The following TENM3 variants were observed in gnomAD, a reference collection of about 807,000 sequenced individuals.
TENM3 encodes teneurin transmembrane protein 3.
Under a neutral mutation model 255.1 loss-of-function variants are expected in TENM3, and 63 were observed. That is an observed-to-expected ratio of 0.25 (90% CI 0.20 to 0.30). TENM3 has a LOEUF of 0.30. TENM3 is among the 10% of genes least tolerant of loss of function. The pLI, the probability that TENM3 is intolerant of heterozygous loss-of-function variation, is 1.00. For missense variants in TENM3, 2,929 were observed against 3,461.1 expected, an observed-to-expected ratio of 0.85 and a Z score of 3.86; for synonymous variants, 1,306 against 1,322.3, an observed-to-expected ratio of 0.99 and a Z score of 0.27.
the TENM3 span, among the ~76,000 whole-genome samples, chr4:181,507,843 T>TCGCCTCTCTCTTTTTTTCTG: frequency 1.3e-5 from 2 of 150,086 alleles, no homozygotes; most frequent in African/African-American, 4.9e-5. Context: ...GCGGTTTTCT[T>TCGCCTCTCTCTTTTTTTCTG]CGCCTCTCTC....
intron 1 of TENM3, among the ~76,000 whole-genome samples, chr4:182,160,318 T>A (rs529989128): frequency 4.6e-5 from 7 of 152,236 alleles, no homozygotes; most frequent in Non-Finnish European, 1.0e-4. Flanking sequence ...GTTCTTTTTT[T>A]AAAAAAATGA....
the TENM3 span, among the ~76,000 whole-genome samples, chr4:181,870,003 T>C: frequency 1.2e-3 from 185 of 152,240 alleles, no homozygotes; most frequent in African/African-American, 4.3e-3. Context: ...CCACAACCAA[T>C]GAACAAGCAC....
chr4:182,745,267 T>A (rs1310066806), intron 19 of TENM3, among the ~76,000 whole-genome samples: 1 of 152,214 alleles, frequency 6.6e-6, no homozygotes, highest in Non-Finnish European at 1.5e-5. Context: ...GATCTTAAAC[T>A]TGCAGCTAAT....
At chr4:181,961,824 A>T in the TENM3 span, among the ~76,000 whole-genome samples, 2 of 152,234 alleles carry the variant, frequency 1.3e-5, no homozygotes, top group Admixed American at 6.5e-5. Flanking sequence ...TCTTCAAAAG[A>T]GTAAAGATAT....
chr4:182,342,754 T>TCC (rs1764564442), intron 2 of TENM3, among the ~76,000 whole-genome samples: 3 of 152,112 alleles, frequency 2.0e-5, no homozygotes, highest in African/African-American at 7.2e-5. Context: ...GAGAATGCCT[T>TCC]CCCCGTGGGG....
chr4:182,685,600 AC>A (rs1292902358), intron 11 of TENM3, among the ~76,000 whole-genome samples: 2 of 152,160 alleles, frequency 1.3e-5, no homozygotes, highest in Non-Finnish European at 2.9e-5. Flanking sequence ...ACACTAAAAA[AC>A]CCTTTCCACA....
chr4:181,967,889 C>T, the TENM3 span, among the ~76,000 whole-genome samples: 1 of 152,148 alleles, frequency 6.6e-6, no homozygotes, highest in Non-Finnish European at 1.5e-5. Context: ...GCTGCTCCAT[C>T]GTCCTTCCAA....
At chr4:181,626,027 C>G in the TENM3 span, among the ~76,000 whole-genome samples, 1 of 152,070 alleles carries the variant, frequency 6.6e-6, no homozygotes, top group African/African-American at 2.4e-5. Flanking sequence ...AAAAACTCAT[C>G]AGTTTTTCTA....
At chr4:181,895,180 G>A in the TENM3 span, among the ~76,000 whole-genome samples, 3 of 151,940 alleles carry the variant, frequency 2.0e-5, no homozygotes, top group African/African-American at 7.3e-5. Flanking sequence ...CGTATTAACT[G>A]TTGGATTTCA....
the TENM3 span, among the ~76,000 whole-genome samples, chr4:181,457,039 G>A: frequency 6.6e-6 from 1 of 151,832 alleles, no homozygotes; most frequent in Non-Finnish European, 1.5e-5. Context: ...TCTAGAGGAA[G>A]TCTCTAAAAG....
chr4:182,709,506 T>C (rs1758591054), intron 12 of TENM3, among the ~76,000 whole-genome samples: 1 of 152,234 alleles, frequency 6.6e-6, no homozygotes. Context: ...GAATTGTTTT[T>C]ATGATTATTA....
At chr4:181,796,461 T>C in the TENM3 span, among the ~76,000 whole-genome samples, 504 of 152,258 alleles carry the variant, frequency 3.3e-3, 4 homozygotes, top group African/African-American at 0.011. Flanking sequence ...ATTCTGCCCT[T>C]GAAAGTGGGA....
intron 1 of TENM3, among the ~76,000 whole-genome samples, chr4:182,174,022 TA>T (rs1752280394): frequency 6.6e-6 from 1 of 152,082 alleles, no homozygotes; most frequent in Admixed American, 6.6e-5. Flanking sequence ...TTGTAAGCCA[TA>T]AAACATTTAA....
the TENM3 span, among the ~76,000 whole-genome samples, chr4:181,758,351 C>G: frequency 6.6e-6 from 1 of 152,166 alleles, no homozygotes; most frequent in South Asian, 2.1e-4. Context: ...GATCTCTAAC[C>G]ACTGATGTGC....
In TENM3 at chr4:182,257,499, G is replaced by C. The variant is rs73003216; in HGVS notation, c.-76+14023G>C. Among the ~76,000 whole-genome samples the C allele has an allele frequency of 6.6e-3, 1,006 of 152,240 alleles. 19 individuals carry two copies. Among genetic ancestry groups the C allele is most frequent in the African/African-American group, 0.023 (956 of 41,544 alleles). ...GCGGTTGGGAAAAAAGCAAAATAATGAAAGTGAATTAAGAGAACAGAGTAT... is the reference window on the plus strand; with the variant it reads ...GCGGTTGGGAAAAAAGCAAAATAATCAAAGTGAATTAAGAGAACAGAGTAT... On this transcript the variant is annotated intron_variant, in intron 1 of 27. Coordinates refer to ENST00000511685, the MANE Select transcript of TENM3 (RefSeq NM_001080477.4).
chr4:181,982,462 A>C, the TENM3 span, among the ~76,000 whole-genome samples: 1 of 152,314 alleles, frequency 6.6e-6, no homozygotes, highest in South Asian at 2.1e-4. Flanking sequence ...CCTTTCACAA[A>C]GAATGATTAG....
chr4:181,607,524 C>T, the TENM3 span, among the ~76,000 whole-genome samples: 1 of 151,790 alleles, frequency 6.6e-6, no homozygotes, highest in African/African-American at 2.4e-5. Flanking sequence ...AAACGGTTCT[C>T]CTGCCTCAGC....
the TENM3 span, among the ~76,000 whole-genome samples, chr4:181,562,965 G>A: frequency 3.0e-4 from 45 of 152,278 alleles, no homozygotes; most frequent in East Asian, 3.5e-3. Context: ...GTGAGCCACC[G>A]TGCCGGGCCC....
chr4:182,358,677 G>C (rs1343802238), intron 3 of TENM3, among the ~76,000 whole-genome samples: 3 of 150,028 alleles, frequency 2.0e-5, no homozygotes, highest in Non-Finnish European at 4.4e-5. Flanking sequence ...GGGACAATTT[G>C]ACTTCCTCTT....
Sources: allele counts gnomAD v4.1 joint callset (sites outside exome capture counted in the v4.1 genomes callset), GRCh38; gene constraint gnomAD v4.1.1; transcripts MANE v1.5; gene names NCBI Gene and HGNC (gene_info 2026-07-23, HGNC 2026-07-21).